Variants in FGGY observed in about 807,000 individuals in gnomAD.
The protein encoded by FGGY is FGGY carbohydrate kinase domain containing, also known as FGGY carbohydrate kinase domain-containing protein.
FGGY carries 72 observed loss-of-function variants against 71.3 expected under a neutral mutation model. The ratio of observed to expected loss-of-function variants is 1.01; its 90% CI spans 0.84 to 1.23. FGGY has a LOEUF of 1.23. Among genes scored for constraint, FGGY ranks in the 50% most tolerant of loss-of-function variants. The pLI is 0.00. For missense variants in FGGY, 668 were observed against 682.3 expected (o/e 0.98, Z 0.23); for synonymous variants, 251 against 250.3 (o/e 1.00, Z -0.02).
intron 8 of FGGY, among the ~76,000 whole-genome samples, chr1:59,606,553 G>A (rs1444063178): frequency 6.6e-6 from 1 of 152,086 alleles, no homozygotes; most frequent in Non-Finnish European, 1.5e-5. Context: ...AAACAGGACT[G>A]TTTAAACTGA....
intron 6 of FGGY, among the ~76,000 whole-genome samples, chr1:59,479,157 T>G (rs1296307256): frequency 6.6e-6 from 1 of 152,122 alleles, no homozygotes; most frequent in Admixed American, 6.5e-5. Flanking sequence ...AAGAAGTTAA[T>G]CACCCAAGGT....
At chr1:59,430,855 A>G (rs771759668) in intron 5 of FGGY, among the ~76,000 whole-genome samples, 1 of 152,160 alleles carries the variant, frequency 6.6e-6, no homozygotes, top group Non-Finnish European at 1.5e-5. Context: ...CCTTAAGGGC[A>G]CACTTTTCAT....
At chr1:59,606,699 C>A (rs1388051974) in intron 8 of FGGY, among the ~76,000 whole-genome samples, 1 of 152,190 alleles carries the variant, frequency 6.6e-6, no homozygotes, top group East Asian at 1.9e-4. Flanking sequence ...TGAGAGCTAG[C>A]AACTCAGGGA....
At chr1:59,755,124 T>G (rs2098279132) in intron 14 of FGGY, 1 of 152,212 alleles carries the variant, frequency 6.6e-6, no homozygotes, top group Admixed American at 6.5e-5. Context: ...ACCTTCCACA[T>G]CAATGAAAGG....
At chr1:59,425,946 T>C (rs1037746197) in intron 5 of FGGY, among the ~76,000 whole-genome samples, 2 of 152,198 alleles carry the variant, frequency 1.3e-5, no homozygotes, top group African/African-American at 4.8e-5. Context: ...GTGTTCACAA[T>C]TCATATTTTT....
intron 4 of FGGY, among the ~76,000 whole-genome samples, chr1:59,358,435 A>G (rs978136535): frequency 2.6e-5 from 4 of 152,186 alleles, no homozygotes; most frequent in African/African-American, 9.7e-5. Context: ...CTTTATCTCA[A>G]GGAATTCCCA....
chr1:59,525,247 C>T (rs2094945460), intron 7 of FGGY, among the ~76,000 whole-genome samples: 1 of 152,230 alleles, frequency 6.6e-6, no homozygotes, highest in Admixed American at 6.5e-5. Flanking sequence ...CCCACACACC[C>T]CTCACTGCTC....
At chr1:59,560,962 C>T (rs1442009926) in intron 8 of FGGY, among the ~76,000 whole-genome samples, 1 of 152,180 alleles carries the variant, frequency 6.6e-6, no homozygotes, top group African/African-American at 2.4e-5. Context: ...CTTTGTTTTT[C>T]TTTGCTGTGT....
intron 6 of FGGY, among the ~76,000 whole-genome samples, chr1:59,488,903 G>A (rs968918677): frequency 5.3e-5 from 8 of 151,936 alleles, no homozygotes; most frequent in Non-Finnish European, 1.2e-4. Flanking sequence ...TTGCCAAATT[G>A]CATTTCCAAC....
chr1:59,545,055 G>C (rs144223338), intron 7 of FGGY, among the ~76,000 whole-genome samples: 38 of 152,288 alleles, frequency 2.5e-4, no homozygotes, highest in African/African-American at 8.4e-4. Flanking sequence ...CCTTCCTTCT[G>C]TTAGACTATT....
At chr1:59,391,862 A>G (rs1358463572) in intron 5 of FGGY, among the ~76,000 whole-genome samples, 1 of 152,226 alleles carries the variant, frequency 6.6e-6, no homozygotes, top group Non-Finnish European at 1.5e-5. Context: ...CAATATGATA[A>G]AGTAGAACTC....
At chr1:59,740,453 G>GC (rs2098138364) in intron 14 of FGGY, among the ~76,000 whole-genome samples, 1 of 152,180 alleles carries the variant, frequency 6.6e-6, no homozygotes, top group African/African-American at 2.4e-5. Flanking sequence ...GGCTAGCTCA[G>GC]CCCTGCTCGC....
At chr1:59,472,862 G>A (rs369039371) in intron 6 of FGGY, among the ~76,000 whole-genome samples, 19 of 152,038 alleles carry the variant, frequency 1.2e-4, no homozygotes, top group African/African-American at 3.6e-4. Context: ...ACACCAATCA[G>A]CACCCAGTGT....
chr1:59,523,887 G>A (rs1273959337), intron 7 of FGGY, among the ~76,000 whole-genome samples: 2 of 152,238 alleles, frequency 1.3e-5, no homozygotes, highest in East Asian at 1.9e-4. Flanking sequence ...CAGCCACTGC[G>A]AAGATGCTGG....
In FGGY at chr1:59,490,667, T is replaced by A. The variant is rs147942313; in HGVS notation, c.671-21644T>A. 1.9e-4 allele frequency among the ~76,000 whole-genome samples: 29 copies of A among 152,290 alleles called. No homozygotes were observed. The East Asian group carries it at 5.4e-3, about 28-fold the overall frequency. On this transcript the variant is annotated intron_variant, in intron 6 of 15. Coordinates refer to ENST00000303721, the MANE Select transcript of FGGY (RefSeq NM_018291.5). ...TATAGTTGCAGGTCTTGTGTTTAGG[T>A]CTTTGATCCATTTTGAGTTGTTTTT... is the stretch of plus-strand genomic sequence containing the variant.
intron 6 of FGGY, among the ~76,000 whole-genome samples, chr1:59,488,298 A>G (rs1380880282): frequency 6.6e-6 from 1 of 152,094 alleles, no homozygotes; most frequent in Non-Finnish European, 1.5e-5. Context: ...TCTGCATCTG[A>G]CAGACTCGCA....
At chr1:59,472,203 G>C (rs1011463412) in intron 6 of FGGY, among the ~76,000 whole-genome samples, 2 of 152,162 alleles carry the variant, frequency 1.3e-5, no homozygotes, top group Admixed American at 6.5e-5. Context: ...GTGTGGGCTC[G>C]GCGGACCCCG....
At chr1:59,712,799 G>A (rs1445298714) in intron 14 of FGGY, among the ~76,000 whole-genome samples, 2 of 152,156 alleles carry the variant, frequency 1.3e-5, no homozygotes, top group Non-Finnish European at 1.5e-5. Context: ...GTGATGGGAG[G>A]GGCTGCCATG....
intron 5 of FGGY, among the ~76,000 whole-genome samples, chr1:59,382,053 A>G (rs1437895188): frequency 6.6e-6 from 1 of 152,178 alleles, no homozygotes; most frequent in East Asian, 1.9e-4. Flanking sequence ...TCATCTTGAA[A>G]AAGATTTAGA....
Sources: gnomAD v4.1 joint callset for allele counts (sites outside exome capture counted in the v4.1 genomes callset) on GRCh38, gnomAD v4.1.1 for gene constraint, MANE v1.5 for transcripts, NCBI Gene and HGNC (gene_info 2026-07-23, HGNC 2026-07-21) for gene names.